Variants in ASB5 observed in about 807,000 individuals in gnomAD.
ASB5 encodes the protein ankyrin repeat and SOCS box protein 5.
Under a neutral mutation model 42.1 loss-of-function variants are expected in ASB5, and 45 were observed. That is an observed-to-expected ratio of 1.07 (90% confidence interval 0.84 to 1.37). The LOEUF is 1.37. ASB5 is among the 40% of genes most tolerant of loss of function. The probability of loss-of-function intolerance (pLI) is 0.00; values close to 1 mark genes in which losing one functional copy is unlikely to be tolerated. For missense variants in ASB5, 402 were observed against 399.8 expected (o/e 1.01, Z -0.05); for synonymous variants, 147 against 150.6 (o/e 0.98, Z 0.18).
intron 1 of ASB5, among the ~76,000 whole-genome samples, chr4:176,258,583 C>A (rs1754199992): frequency 6.6e-6 from 1 of 152,128 alleles, no homozygotes. Context: ...CGTTAAAATT[C>A]AGTCTCTAGT....
At chr4:176,258,134 T>A (rs888299833) in intron 1 of ASB5, among the ~76,000 whole-genome samples, 1 of 152,222 alleles carries the variant, frequency 6.6e-6, no homozygotes, top group Non-Finnish European at 1.5e-5. Context: ...AAGTATGATA[T>A]AGAAAGTTAA....
chr4:176,232,543 T>C (rs1753576586), intron 1 of ASB5, among the ~76,000 whole-genome samples: 1 of 152,184 alleles, frequency 6.6e-6, no homozygotes, highest in Admixed American at 6.5e-5. Flanking sequence ...CATGTTACTT[T>C]TCTTAAAGGA....
In ASB5 at chr4:176,261,726, A is replaced by G. The variant is rs186259713; in HGVS notation, c.196+7187T>C. Reference sequence around the variant, plus strand: ...CTTTCTGACTTAGAGGAGAACATCAATTGCAAAACTTGACTGTTTTCCTTT... The same window carrying G: ...CTTTCTGACTTAGAGGAGAACATCAGTTGCAAAACTTGACTGTTTTCCTTT... On this transcript the variant is annotated intron_variant, in intron 1 of 6. Transcript: ENST00000296525. 5.3e-5 allele frequency among the ~76,000 whole-genome samples: 8 copies of G among 152,276 alleles called. No individual in the cohort carries two copies. In the East Asian group the frequency reaches 9.7e-4, roughly 18 times the overall value.
intron 1 of ASB5, among the ~76,000 whole-genome samples, chr4:176,268,396 G>A (rs1754401328): frequency 6.6e-6 from 1 of 152,142 alleles, no homozygotes; most frequent in Admixed American, 6.5e-5. Flanking sequence ...TCTTCTTTGT[G>A]TGTGTGCTTT....
At chr4:176,215,748 A>G in intron 6 of ASB5, 21 bp from the exon 7 acceptor site, 2 of 1,591,350 alleles carry the variant, frequency 1.3e-6, no homozygotes, top group Non-Finnish European at 1.7e-6. Context: ...ACATGAATCT[A>G]TTTGTTAATT....
chr4:176,239,383 T>C (rs1753764273), intron 1 of ASB5, among the ~76,000 whole-genome samples: 1 of 152,226 alleles, frequency 6.6e-6, no homozygotes, highest in South Asian at 2.1e-4. Flanking sequence ...TGCATATTCC[T>C]ACAGAATGCA....
At chr4:176,249,131 T>G (rs778280777) in intron 1 of ASB5, among the ~76,000 whole-genome samples, 2 of 152,104 alleles carry the variant, frequency 1.3e-5, no homozygotes, top group African/African-American at 2.4e-5. Context: ...CACACCCGAC[T>G]AATTTTTGTA....
At chr4:176,255,885 A>G (rs1389490193) in intron 1 of ASB5, among the ~76,000 whole-genome samples, 1 of 152,240 alleles carries the variant, frequency 6.6e-6, no homozygotes, top group Non-Finnish European at 1.5e-5. Flanking sequence ...AAAAAGAAAG[A>G]AAAATAGCAA....
At chr4:176,241,755 A>G (rs1579324781) in intron 1 of ASB5, 1 of 991,104 alleles carries the variant, frequency 1.0e-6, no homozygotes, top group Non-Finnish European at 1.3e-6. Flanking sequence ...CCAACAGTTA[A>G]CCTTTGTTCC....
intron 1 of ASB5, among the ~76,000 whole-genome samples, chr4:176,260,129 C>T (rs536703893): frequency 6.6e-6 from 1 of 152,142 alleles, no homozygotes; most frequent in South Asian, 2.1e-4. Flanking sequence ...TTATTTTATC[C>T]CTTTCTTTGA....
intron 1 of ASB5, among the ~76,000 whole-genome samples, chr4:176,256,981 A>C (rs1754169398): frequency 6.6e-6 from 1 of 152,180 alleles, no homozygotes; most frequent in Non-Finnish European, 1.5e-5. Context: ...AGCAGAGAAA[A>C]TAAAGGAAAA....
At chr4:176,249,081 C>T (rs1468838802) in intron 1 of ASB5, among the ~76,000 whole-genome samples, 5 of 152,238 alleles carry the variant, frequency 3.3e-5, no homozygotes, top group African/African-American at 9.6e-5. Flanking sequence ...ATTCTCCTGC[C>T]TCAGCCTACC....
chr4:176,269,232 T>A, upstream of ASB5: 1 of 744,582 alleles, frequency 1.3e-6, no homozygotes. Flanking sequence ...TAGTGATGCC[T>A]ACAGCTCAAA....
intron 5 of ASB5, among the ~76,000 whole-genome samples, chr4:176,219,955 G>A (rs1184836099): frequency 1.3e-5 from 2 of 152,044 alleles, no homozygotes; most frequent in African/African-American, 4.8e-5. Flanking sequence ...GTTTCCCTTG[G>A]CCACACTGGA....
At chr4:176,254,464 T>C (rs1754109019) in intron 1 of ASB5, among the ~76,000 whole-genome samples, 1 of 150,302 alleles carries the variant, frequency 6.7e-6, no homozygotes, top group Admixed American at 6.6e-5. Flanking sequence ...AATCCTAGAA[T>C]AAAACCTAGG....
At chr4:176,261,730 C>T (rs1442492746) in intron 1 of ASB5, among the ~76,000 whole-genome samples, 1 of 152,178 alleles carries the variant, frequency 6.6e-6, no homozygotes, top group Non-Finnish European at 1.5e-5. Context: ...ACATCAATTG[C>T]AAAACTTGAC....
At chr4:176,221,993 C>T (rs898068107) in intron 3 of ASB5, among the ~76,000 whole-genome samples, 1 of 152,012 alleles carries the variant, frequency 6.6e-6, no homozygotes, top group East Asian at 1.9e-4. Flanking sequence ...ATTTCTGAGA[C>T]TTTATTTAAG....
chr4:176,221,088 T>C (rs1753190943), intron 5 of ASB5, 67 bp downstream of exon 5: 5 of 1,443,940 alleles, frequency 3.5e-6, no homozygotes, highest in Non-Finnish European at 3.7e-6. Context: ...TTAAAGATGC[T>C]CATTTAGAGA....
At chr4:176,237,468 T>C (rs1753714651) in intron 1 of ASB5, 2 of 985,790 alleles carry the variant, frequency 2.0e-6, no homozygotes, top group African/African-American at 3.5e-5. Context: ...TAAGTGCAAA[T>C]GCTCTAGCAA....
Sources: gnomAD v4.1 joint callset for allele counts (sites outside exome capture counted in the v4.1 genomes callset) on GRCh38, gnomAD v4.1.1 for gene constraint, MANE v1.5 for transcripts, NCBI Gene and HGNC (gene_info 2026-07-23, HGNC 2026-07-21) for gene names.